RBFOX1: variants seen among roughly 807,000 people sequenced by gnomAD.
RBFOX1 encodes the protein RNA binding fox-1 homolog 1, also known as RNA binding protein fox-1 homolog 1.
Under a neutral mutation model 57.7 loss-of-function variants are expected in RBFOX1, and 8 were observed. The observed-to-expected ratio is 0.14, with a 90% CI of 0.08 to 0.25. The LOEUF (loss-of-function observed/expected upper bound fraction) is 0.25. Ranked by LOEUF, RBFOX1 falls within the 10% of genes least tolerant of loss-of-function variation. The probability of loss-of-function intolerance (pLI) is 1.00; values close to 1 mark genes in which losing one functional copy is unlikely to be tolerated. For missense variants in RBFOX1, 611 were observed against 548.5 expected, an observed-to-expected ratio of 1.11 and a Z score of -1.14; for synonymous variants, 326 against 222.4, an observed-to-expected ratio of 1.47 and a Z score of -4.15.
At chr16:6,799,200 A>G (rs912849757) in intron 3 of RBFOX1, among the ~76,000 whole-genome samples, 3 of 152,124 alleles carry the variant, frequency 2.0e-5, no homozygotes, top group Admixed American at 6.6e-5. Context: ...GAGGAGAGCC[A>G]GTTTACTAGG....
chr16:5,742,255 C>T (rs1234840674), intron 3 of RBFOX1, among the ~76,000 whole-genome samples: 10 of 127,676 alleles, frequency 7.8e-5, no homozygotes, highest in African/African-American at 2.9e-4. Flanking sequence ...TTCCTTCCTC[C>T]CTTCCTTCTT....
chr16:7,693,178 A>G (rs1017371911), intron 14 of RBFOX1: 3 of 668,324 alleles, frequency 4.5e-6, no homozygotes, highest in Non-Finnish European at 8.2e-6. Context: ...ACTCTGAGGT[A>G]CATCAGCACA....
At chr16:5,468,517 G>A (rs2069024988) in intron 2 of RBFOX1, among the ~76,000 whole-genome samples, 1 of 152,068 alleles carries the variant, frequency 6.6e-6, no homozygotes, top group Non-Finnish European at 1.5e-5. Context: ...GTTAAACATA[G>A]AATTACCATA....
intron 4 of RBFOX1, among the ~76,000 whole-genome samples, chr16:7,205,382 G>A (rs1603060191): frequency 6.6e-6 from 1 of 152,080 alleles, no homozygotes; most frequent in African/African-American, 2.4e-5. Context: ...GCTGGGTGTG[G>A]TGGTGCTCTC....
chr16:6,862,304 G>C (rs1012591478), intron 3 of RBFOX1, among the ~76,000 whole-genome samples: 6 of 152,146 alleles, frequency 3.9e-5, no homozygotes, highest in African/African-American at 1.4e-4. Flanking sequence ...GAGACTGTTT[G>C]CCTTGTGAAC....
At chr16:6,534,674 A>T (rs754458235) in intron 2 of RBFOX1, among the ~76,000 whole-genome samples, 4 of 152,192 alleles carry the variant, frequency 2.6e-5, no homozygotes, top group Non-Finnish European at 5.9e-5. Context: ...CTTGGTTATA[A>T]AAGTACTTGC....
At chr16:5,689,240 A>G (rs1183512724) in intron 3 of RBFOX1, among the ~76,000 whole-genome samples, 2 of 152,228 alleles carry the variant, frequency 1.3e-5, no homozygotes, top group Non-Finnish European at 2.9e-5. Context: ...TCCATCACTT[A>G]TGATTTTGAG....
chr16:6,439,544 A>T (rs919656686), intron 2 of RBFOX1, among the ~76,000 whole-genome samples: 3 of 151,974 alleles, frequency 2.0e-5, no homozygotes, highest in Non-Finnish European at 4.4e-5. Context: ...CAGTCATCCA[A>T]CCTGCAGTTT....
intron 4 of RBFOX1, among the ~76,000 whole-genome samples, chr16:5,926,157 C>G (rs1218165633): frequency 2.0e-5 from 3 of 152,152 alleles, no homozygotes; most frequent in Non-Finnish European, 4.4e-5. Context: ...AAGGTAAAAG[C>G]TTGAGAATGA....
intron 2 of RBFOX1, among the ~76,000 whole-genome samples, chr16:6,554,839 C>A (rs1025464196): frequency 1.3e-5 from 2 of 149,866 alleles, no homozygotes; most frequent in Admixed American, 1.3e-4. Context: ...CACAGACTCT[C>A]CCTCTCACTC....
intron 2 of RBFOX1, among the ~76,000 whole-genome samples, chr16:6,595,586 T>A (rs2097769190): frequency 6.6e-6 from 1 of 152,198 alleles, no homozygotes; most frequent in Admixed American, 6.5e-5. Flanking sequence ...ACAAGTGGAA[T>A]TTCTGGGTCA....
At chr16:7,498,566 C>G (rs1033658904) in intron 4 of RBFOX1, among the ~76,000 whole-genome samples, 2 of 151,998 alleles carry the variant, frequency 1.3e-5, no homozygotes, top group Non-Finnish European at 2.9e-5. Context: ...TTTTATTTAC[C>G]CAGTATATCC....
chr16:6,098,339 C>T (rs941600536), intron 1 of RBFOX1, among the ~76,000 whole-genome samples: 1 of 152,312 alleles, frequency 6.6e-6, no homozygotes, highest in Non-Finnish European at 1.5e-5. Context: ...CCACAAACCC[C>T]TCTCCTCTGG....
intron 4 of RBFOX1, among the ~76,000 whole-genome samples, chr16:6,000,598 A>T: frequency 6.6e-6 from 1 of 152,126 alleles, no homozygotes; most frequent in East Asian, 1.9e-4. Context: ...CAGTGCCAGG[A>T]AATAGAATTA....
chr16:6,888,663 C>G (rs908232282), intron 3 of RBFOX1, among the ~76,000 whole-genome samples: 2 of 151,928 alleles, frequency 1.3e-5, no homozygotes, highest in African/African-American at 4.8e-5. Context: ...TATTTCTGAC[C>G]CAGATGTCTC....
chr16:7,188,898 C>T (rs1411432729), intron 4 of RBFOX1, among the ~76,000 whole-genome samples: 1 of 152,098 alleles, frequency 6.6e-6, no homozygotes, highest in Non-Finnish European at 1.5e-5. Context: ...AGGATACAGA[C>T]AGCTAAGGAT....
intron 1 of RBFOX1, among the ~76,000 whole-genome samples, chr16:6,111,165 G>C (rs1298581569): frequency 1.3e-5 from 2 of 152,088 alleles, no homozygotes; most frequent in African/African-American, 4.8e-5. Flanking sequence ...ATACAAGAAT[G>C]ATATTCATAA....
At chr16:7,571,311 C>G (rs1425756972) in intron 5 of RBFOX1, among the ~76,000 whole-genome samples, 1 of 152,076 alleles carries the variant, frequency 6.6e-6, no homozygotes, top group Non-Finnish European at 1.5e-5. Flanking sequence ...TAGGGTCAGA[C>G]AGAGGAAACC....
intron 3 of RBFOX1, among the ~76,000 whole-genome samples, chr16:6,895,444 G>GTATATATATATATATATA (rs1341028814): frequency 8.8e-4 from 65 of 73,468 alleles, no homozygotes; most frequent in African/African-American, 3.8e-3. Context: ...GTGTGTGTGT[G>GTATATATATATATATATA]TGTGTATATA....
Sources: allele counts gnomAD v4.1 joint callset (sites outside exome capture counted in the v4.1 genomes callset), GRCh38; gene constraint gnomAD v4.1.1; transcripts MANE v1.5; gene names NCBI Gene and HGNC (gene_info 2026-07-23, HGNC 2026-07-21).